The following SLC30A9 variants were observed in gnomAD, a reference collection of about 807,000 sequenced individuals.
SLC30A9 encodes solute carrier family 30 member 9.
SLC30A9 carries 58 observed loss-of-function variants against 87.5 expected under a neutral mutation model. The ratio of observed to expected loss-of-function variants is 0.66; its 90% CI spans 0.54 to 0.82. The LOEUF (loss-of-function observed/expected upper bound fraction) is 0.82, where lower values mean the gene tolerates loss of function less well. Ranked by LOEUF, SLC30A9 falls within the 40% of genes least tolerant of loss-of-function variation. The pLI is 0.00. For missense variants in SLC30A9, 557 were observed against 679.1 expected, an observed-to-expected ratio of 0.82 and a Z score of 2.00; for synonymous variants, 234 against 233.0, an observed-to-expected ratio of 1.00 and a Z score of -0.04.
intron 11 of SLC30A9, among the ~76,000 whole-genome samples, chr4:42,064,705 T>G (rs149080431): frequency 6.6e-6 from 1 of 152,308 alleles, no homozygotes; most frequent in African/African-American, 2.4e-5. Context: ...TTAAAACTTC[T>G]AAAAGCTCTT....
chr4:42,072,593 A>T (rs1012862605), intron 15 of SLC30A9, among the ~76,000 whole-genome samples: 16 of 151,982 alleles, frequency 1.1e-4, no homozygotes, highest in African/African-American at 3.6e-4. Flanking sequence ...ATTTTGTTCT[A>T]TTGTGGTCAA....
chr4:42,055,856 C>T (rs538646068), intron 9 of SLC30A9, among the ~76,000 whole-genome samples: 21 of 152,092 alleles, frequency 1.4e-4, no homozygotes, highest in Non-Finnish European at 2.5e-4. Context: ...ACACCAGAAA[C>T]GTGAAGGGTG....
chr4:42,023,316 G>A lies in SLC30A9; in HGVS notation c.542G>A (p.Trp181Ter). 6.2e-7 allele frequency: 1 copy of A among 1,613,158 alleles called. No individual in the cohort carries two copies. Among genetic ancestry groups the A allele is most frequent in the Non-Finnish European group, 8.5e-7 (1 of 1,179,114 alleles). The change falls in exon 6 of 18, where the codon TGG becomes TAG. Residue 181 changes from tryptophan (W) to a stop codon, truncating the protein, a stop_gained. Coordinates refer to ENST00000264451, the MANE Select transcript of SLC30A9 (RefSeq NM_006345.4). LOFTEE classifies it high-confidence loss of function. ...SDVEAKSLEV[W>*]GSPEALAREK... ...TGTATGCACAGATCTTTGGAAGTTT[G>A]GGGAAGCCCTGAAGCTCTTGCCAGA...
chr4:42,054,486 A>C (rs1350647097), intron 9 of SLC30A9, among the ~76,000 whole-genome samples: 2 of 139,060 alleles, frequency 1.4e-5, no homozygotes, highest in Non-Finnish European at 3.1e-5. Context: ...GTAAGGAATT[A>C]GTATTGATTT....
intron 17 of SLC30A9, among the ~76,000 whole-genome samples, chr4:42,084,024 C>G (rs185206462): frequency 6.6e-6 from 1 of 152,288 alleles, no homozygotes; most frequent in African/African-American, 2.4e-5. Context: ...GTTTTTATAA[C>G]TGGATGCCTT....
At chr4:42,004,137 C>T (rs979294874) in intron 2 of SLC30A9, among the ~76,000 whole-genome samples, 6 of 152,104 alleles carry the variant, frequency 3.9e-5, no homozygotes, top group African/African-American at 1.2e-4. Context: ...AGATGTTACT[C>T]GATTGTTTTT....
At chr4:42,055,553 G>GT (rs1470001788) in intron 9 of SLC30A9, among the ~76,000 whole-genome samples, 3 of 152,016 alleles carry the variant, frequency 2.0e-5, no homozygotes, top group Admixed American at 2.0e-4. Context: ...CGCCCGGCTA[G>GT]TTTTTTGTAT....
At chr4:42,039,372 G>A (rs1250422700) in intron 8 of SLC30A9, among the ~76,000 whole-genome samples, 1 of 151,848 alleles carries the variant, frequency 6.6e-6, no homozygotes, top group Non-Finnish European at 1.5e-5. Context: ...ACCAACCTGG[G>A]TTACAGCTAC....
chr4:42,003,212 AT>A (rs779805203), intron 2 of SLC30A9, among the ~76,000 whole-genome samples: 5 of 152,158 alleles, frequency 3.3e-5, no homozygotes, highest in Non-Finnish European at 7.4e-5. Context: ...CAGTCTTGAA[AT>A]TTGTTGAGTG....
At chr4:41,990,865 C>T in intron 1 of SLC30A9, 105 bp downstream of exon 1, 1 of 782,508 alleles carries the variant, frequency 1.3e-6, no homozygotes, top group East Asian at 2.7e-5. Context: ...CTTTCGCCAA[C>T]CTCAGAACCT....
At chr4:42,047,719 C>T (rs1717222982) in intron 8 of SLC30A9, among the ~76,000 whole-genome samples, 1 of 152,098 alleles carries the variant, frequency 6.6e-6, no homozygotes, top group African/African-American at 2.4e-5. Context: ...TCCAGCAGTC[C>T]CATTACTGTG....
At chr4:42,008,769 G>A (rs1304778766) in intron 2 of SLC30A9, among the ~76,000 whole-genome samples, 3 of 152,164 alleles carry the variant, frequency 2.0e-5, no homozygotes, top group Admixed American at 2.0e-4. Context: ...TCTTTCACAG[G>A]GGAAGATTTT....
intron 2 of SLC30A9, among the ~76,000 whole-genome samples, chr4:42,012,446 C>T (rs1715485656): frequency 6.6e-6 from 1 of 151,864 alleles, no homozygotes; most frequent in Non-Finnish European, 1.5e-5. Context: ...AGATGAATGT[C>T]ATTTTAAAAA....
chr4:42,060,274 G>T (rs756620773), intron 10 of SLC30A9, 28 bp downstream of exon 10: 4 of 1,566,284 alleles, frequency 2.6e-6, no homozygotes, highest in Non-Finnish European at 3.5e-6. Context: ...TTTTGTTTTT[G>T]TTTGTTTTGG....
intron 15 of SLC30A9, among the ~76,000 whole-genome samples, chr4:42,073,473 G>A (rs1052633802): frequency 6.6e-6 from 1 of 152,128 alleles, no homozygotes; most frequent in African/African-American, 2.4e-5. Context: ...ACCTACTGCT[G>A]TGTGACAAAT....
chr4:42,044,046 G>A (rs1717032137), intron 8 of SLC30A9, among the ~76,000 whole-genome samples: 1 of 152,156 alleles, frequency 6.6e-6, no homozygotes, highest in African/African-American at 2.4e-5. Context: ...CCTTACAAGA[G>A]CTCCTGAAGG....
rs1032878534 is a variant in SLC30A9, at chr4:42,067,308, T to C, written c.1252+116T>C. The C allele has an allele frequency of 2.0e-5, 12 of 610,440 alleles. No homozygotes were observed. In the Admixed American group the frequency reaches 2.5e-4, roughly 13 times the overall value. 37.8% of individuals were successfully genotyped at this position (610,440 alleles called of 1,614,324 possible). On this transcript the variant is annotated intron_variant, in intron 14 of 17. Coordinates refer to ENST00000264451, the MANE Select transcript of SLC30A9 (RefSeq NM_006345.4). ...ATTAAACCAACAAATTGTTAAATGT[T>C]AATTCCTACTAATCATTGACTTATG...
intron 1 of SLC30A9, among the ~76,000 whole-genome samples, chr4:41,998,870 A>C (rs1278710517): frequency 6.6e-6 from 1 of 152,184 alleles, no homozygotes; most frequent in Non-Finnish European, 1.5e-5. Flanking sequence ...TATAATATAC[A>C]ATATTAGGTG....
At chr4:42,046,048 A>G (rs201043006) in intron 8 of SLC30A9, among the ~76,000 whole-genome samples, 9 of 152,016 alleles carry the variant, frequency 5.9e-5, no homozygotes, top group African/African-American at 2.2e-4. Flanking sequence ...CATGCTAAAA[A>G]CTCTCACCTT....
Sources: gnomAD v4.1 joint callset for allele counts (sites outside exome capture counted in the v4.1 genomes callset) on GRCh38, gnomAD v4.1.1 for gene constraint, MANE v1.5 for transcripts, NCBI Gene and HGNC (gene_info 2026-07-23, HGNC 2026-07-21) for gene names.